PDHX: variants seen among roughly 807,000 people sequenced by gnomAD.
PDHX encodes the protein pyruvate dehydrogenase complex component X, also known as pyruvate dehydrogenase protein X component, mitochondrial.
Under a neutral mutation model 55.3 loss-of-function variants are expected in PDHX, and 33 were observed. That is an observed-to-expected ratio of 0.60 (90% CI 0.45 to 0.80). The LOEUF (loss-of-function observed/expected upper bound fraction) is 0.80. Ranked by LOEUF, PDHX falls within the 30% of genes least tolerant of loss-of-function variation. The pLI is 0.00. For missense variants in PDHX, 622 were observed against 619.9 expected (o/e 1.00, Z -0.04); for synonymous variants, 226 against 219.4 (o/e 1.03, Z -0.27).
At chr11:34,920,015 G>T (rs1323887812) in intron 1 of PDHX, among the ~76,000 whole-genome samples, 2 of 152,198 alleles carry the variant, frequency 1.3e-5, no homozygotes, top group African/African-American at 4.8e-5. Flanking sequence ...CTCAGAGGGG[G>T]TAAGTTTGAA....
chr11:34,920,448 A>G (rs1188980683), intron 1 of PDHX, among the ~76,000 whole-genome samples: 1 of 152,244 alleles, frequency 6.6e-6, no homozygotes, highest in Admixed American at 6.5e-5. Flanking sequence ...ATAAAAGAAC[A>G]CTAGAGCCTA....
chr11:34,949,690 G>T (rs1415166826), intron 3 of PDHX, among the ~76,000 whole-genome samples: 1 of 152,176 alleles, frequency 6.6e-6, no homozygotes, highest in Non-Finnish European at 1.5e-5. Flanking sequence ...GACATATTTG[G>T]AGGGTTTATT....
chr11:34,941,019 T>G (rs1236175590), intron 2 of PDHX, among the ~76,000 whole-genome samples: 2 of 152,204 alleles, frequency 1.3e-5, no homozygotes, highest in African/African-American at 4.8e-5. Context: ...CAATAGAAGT[T>G]TCTGTGGTGA....
At chr11:34,975,585 T>G (rs1308318762) in intron 7 of PDHX, among the ~76,000 whole-genome samples, 4 of 152,188 alleles carry the variant, frequency 2.6e-5, no homozygotes, top group African/African-American at 9.7e-5. Context: ...AATGTTTTTT[T>G]AGTTTCCATT....
At chr11:34,948,651 T>G (rs1296574871) in intron 3 of PDHX, among the ~76,000 whole-genome samples, 1 of 151,618 alleles carries the variant, frequency 6.6e-6, no homozygotes, top group African/African-American at 2.4e-5. Flanking sequence ...TCATCTCTCA[T>G]ATTAGATACT....
chr11:34,937,941 T>C (rs1180448113), intron 2 of PDHX, among the ~76,000 whole-genome samples: 1 of 152,180 alleles, frequency 6.6e-6, no homozygotes, highest in African/African-American at 2.4e-5. Flanking sequence ...AGAAGTCTTT[T>C]AGGAGTGAAG....
intron 9 of PDHX, among the ~76,000 whole-genome samples, chr11:34,987,836 C>T (rs1310851105): frequency 1.3e-5 from 2 of 151,804 alleles, no homozygotes; most frequent in Non-Finnish European, 2.9e-5. Context: ...CTTTACTGTG[C>T]AAAAAACAGC....
intron 3 of PDHX, among the ~76,000 whole-genome samples, chr11:34,947,895 A>G (rs1319627483): frequency 6.6e-6 from 1 of 152,234 alleles, no homozygotes; most frequent in Non-Finnish European, 1.5e-5. Context: ...TGGTAGAAAC[A>G]TGACTATTTA....
chr11:34,942,664 A>G (rs1854516452), intron 2 of PDHX, among the ~76,000 whole-genome samples: 1 of 152,214 alleles, frequency 6.6e-6, no homozygotes, highest in Admixed American at 6.5e-5. Flanking sequence ...TGGCATTTAC[A>G]TGATGTTTGA....
chr11:34,919,773 A>G (rs1336080210), intron 1 of PDHX, among the ~76,000 whole-genome samples: 2 of 152,250 alleles, frequency 1.3e-5, no homozygotes, highest in African/African-American at 4.8e-5. Flanking sequence ...TTATTGAAGA[A>G]TGAGTGAAGA....
At chr11:34,962,164 G>A (rs969662854) in intron 5 of PDHX, among the ~76,000 whole-genome samples, 1 of 152,162 alleles carries the variant, frequency 6.6e-6, no homozygotes, top group Non-Finnish European at 1.5e-5. Flanking sequence ...TGCACCTTAG[G>A]GGGATCAGTT....
At chr11:34,952,535 G>T (rs3118071) in intron 3 of PDHX, among the ~76,000 whole-genome samples, 106,455 of 148,798 alleles carry the variant, frequency 0.72, 38,294 homozygotes, top group Middle Eastern at 0.77. Context: ...GCTGGTTCAA[G>T]ATACGCAAAT....
At chr11:34,933,825 G>A (rs1854235163) in intron 2 of PDHX, among the ~76,000 whole-genome samples, 1 of 152,024 alleles carries the variant, frequency 6.6e-6, no homozygotes, top group Non-Finnish European at 1.5e-5. Context: ...AGCCAGAGAT[G>A]AGATAGTTTG....
At chr11:34,983,827 A>G (rs1590768729) in intron 8 of PDHX, among the ~76,000 whole-genome samples, 1 of 152,326 alleles carries the variant, frequency 6.6e-6, no homozygotes, top group East Asian at 1.9e-4. Flanking sequence ...AAGAATCGAT[A>G]TTGTGAAAAT....
chr11:34,968,992 G>A (rs1855195545), intron 6 of PDHX, among the ~76,000 whole-genome samples: 1 of 152,146 alleles, frequency 6.6e-6, no homozygotes, highest in South Asian at 2.1e-4. Context: ...ACATTCAGTA[G>A]AAAGCAGTGC....
intron 3 of PDHX, among the ~76,000 whole-genome samples, chr11:34,955,343 G>A (rs1854881110): frequency 6.6e-6 from 1 of 152,088 alleles, no homozygotes; most frequent in South Asian, 2.1e-4. Flanking sequence ...GTAAGCAAAT[G>A]CTTACAGGAA....
Position 34,916,764 on chromosome 11 carries a change from G to T in PDHX, c.109G>T (p.Val37Leu), listed in dbSNP as rs780807263. The T allele has an allele frequency of 1.9e-6, 3 of 1,608,720 alleles. No individual in the cohort carries two copies. The highest frequency in any genetic ancestry group is 2.5e-6 in the Non-Finnish European group (3 of 1,177,796). Residue 37 changes from valine (V) to leucine (L), a missense_variant, in exon 1 of 11, where the codon GTA becomes TTA. Coordinates refer to ENST00000227868, the MANE Select transcript of PDHX (RefSeq NM_003477.3). ...GLVKGALGWSVSRGANWRWFH... is the reference protein window; with the variant it reads ...GLVKGALGWSLSRGANWRWFH... ...GGTGAAGGGGGCTCTTGGGTGGTCT[G>T]TAAGCCGCGGAGCTAATTGGAGATG...
chr11:34,947,448 A>C, intron 2 of PDHX, 58 bp from the exon 3 acceptor site: 2 of 1,095,944 alleles, frequency 1.8e-6, no homozygotes, highest in Admixed American at 3.4e-5. Flanking sequence ...ATACGTACAT[A>C]TATACATAGT....
At chr11:34,922,526 T>G (rs953245377) in intron 1 of PDHX, among the ~76,000 whole-genome samples, 2 of 152,220 alleles carry the variant, frequency 1.3e-5, no homozygotes, top group African/African-American at 4.8e-5. Context: ...ATTATAGATT[T>G]CAGCAGAACA....
Sources: gnomAD v4.1 joint callset for allele counts (sites outside exome capture counted in the v4.1 genomes callset) on GRCh38, gnomAD v4.1.1 for gene constraint, MANE v1.5 for transcripts, NCBI Gene and HGNC (gene_info 2026-07-23, HGNC 2026-07-21) for gene names.